The following PACRG variants were observed in gnomAD, a reference collection of about 807,000 sequenced individuals.
The protein encoded by PACRG is parkin coregulated gene protein.
PACRG carries 29 observed loss-of-function variants against 29.7 expected under a neutral mutation model. The ratio of observed to expected loss-of-function variants is 0.98; its 90% confidence interval spans 0.73 to 1.33. The LOEUF (loss-of-function observed/expected upper bound fraction) is 1.33, where lower values mean the gene tolerates loss of function less well. Ranked by LOEUF, PACRG falls within the 40% of genes most tolerant of loss-of-function variation. The pLI is 0.00. For missense variants in PACRG, 279 were observed against 316.2 expected (o/e 0.88, Z 0.89); for synonymous variants, 116 against 118.7 (o/e 0.98, Z 0.15).
intron 1 of PACRG, among the ~76,000 whole-genome samples, chr6:162,782,278 T>C (rs1467145437): frequency 6.6e-6 from 1 of 151,898 alleles, no homozygotes; most frequent in Non-Finnish European, 1.5e-5. Flanking sequence ...TCCACAATGA[T>C]AGAGATTTCA....
intron 1 of PACRG, among the ~76,000 whole-genome samples, chr6:162,740,687 C>T (rs1780517659): frequency 6.6e-6 from 1 of 151,726 alleles, no homozygotes; most frequent in African/African-American, 2.4e-5. Flanking sequence ...GCAACCTCTG[C>T]CCCCTGGGTT....
Position 163,244,350 on chromosome 6 carries a change from A to G in PACRG, c.614-70477A>G, listed in dbSNP as rs1186278508. On this transcript the variant is annotated intron_variant, in intron 4 of 4. Coordinates refer to ENST00000366888, the MANE Select transcript of PACRG (RefSeq NM_001080379.2). Reference sequence around the variant, plus strand: ...TCGAGGATCTGTGCTTGAATCATCTAGTATTTTCTGTAAGGTCGGGCCAAG... The same window carrying G: ...TCGAGGATCTGTGCTTGAATCATCTGGTATTTTCTGTAAGGTCGGGCCAAG... Among the ~76,000 whole-genome samples the G allele has an allele frequency of 2.0e-5, 3 of 152,052 alleles. 1 individual carries two copies. The highest frequency in any genetic ancestry group is 2.0e-4 in the Admixed American group (3 of 15,260).
chr6:163,190,849 T>C (rs1340208650), intron 4 of PACRG: 5 of 399,990 alleles, frequency 1.3e-5, no homozygotes, highest in Non-Finnish European at 2.5e-5. Flanking sequence ...ACTGATTACT[T>C]CCCTCGTGTT....
intron 4 of PACRG, among the ~76,000 whole-genome samples, chr6:163,213,090 T>A (rs7776125): frequency 1.3e-5 from 2 of 152,036 alleles, no homozygotes; most frequent in African/African-American, 4.8e-5. Flanking sequence ...AAACTGACAA[T>A]CTTAATTGAA....
At chr6:163,060,565 T>C (rs561466476) in intron 2 of PACRG, among the ~76,000 whole-genome samples, 6 of 152,344 alleles carry the variant, frequency 3.9e-5, no homozygotes, top group Admixed American at 2.6e-4. Context: ...TTGTTTTCTA[T>C]GCTCCAGTTC....
chr6:162,974,839 T>A (rs1372330962), intron 2 of PACRG, among the ~76,000 whole-genome samples: 1 of 152,236 alleles, frequency 6.6e-6, no homozygotes, highest in African/African-American at 2.4e-5. Context: ...TCGTTAGTGA[T>A]GAGTGGGGCT....
intron 2 of PACRG, among the ~76,000 whole-genome samples, chr6:162,844,550 C>T (rs556078512): frequency 1.2e-3 from 185 of 152,356 alleles, no homozygotes; most frequent in African/African-American, 3.2e-3. Context: ...AGAAATCACC[C>T]GTCTTCTGCG....
At chr6:163,239,667 A>G (rs115165835) in intron 4 of PACRG, among the ~76,000 whole-genome samples, 1 of 101,336 alleles carries the variant, frequency 9.9e-6, no homozygotes, top group South Asian at 3.2e-4. Context: ...ACACACCCAC[A>G]CCCCCCACCC....
chr6:162,974,746 T>G (rs1056266237), intron 2 of PACRG, among the ~76,000 whole-genome samples: 2 of 152,236 alleles, frequency 1.3e-5, no homozygotes, highest in African/African-American at 4.8e-5. Flanking sequence ...ATGAATAATC[T>G]TATCCGGGAG....
rs188021897 is a variant in PACRG, at chr6:163,063,268, A to C, written c.463+947A>C. Among the ~76,000 whole-genome samples the C allele has an allele frequency of 7.0e-3, 1,069 of 151,962 alleles. 9 individuals carry two copies. The highest frequency in any genetic ancestry group is 0.019 in the African/African-American group (780 of 41,428). Reference sequence around the variant, plus strand: ...AGCCAGAGCTGCTCCAGGCACTTTCACCCCCTGGATCCAGGCCCAACTGCC... The same window carrying C: ...AGCCAGAGCTGCTCCAGGCACTTTCCCCCCCTGGATCCAGGCCCAACTGCC... On this transcript the variant is annotated intron_variant, in intron 3 of 4. Transcript: ENST00000366888.
intron 4 of PACRG, among the ~76,000 whole-genome samples, chr6:163,122,732 A>G (rs1816345754): frequency 6.6e-6 from 1 of 152,222 alleles, no homozygotes; most frequent in South Asian, 2.1e-4. Context: ...ATTATTTTAT[A>G]GCAACACAAG....
intron 2 of PACRG, among the ~76,000 whole-genome samples, chr6:162,986,928 T>C (rs918144585): frequency 3.7e-5 from 5 of 135,836 alleles, no homozygotes; most frequent in Non-Finnish European, 7.6e-5. Context: ...TTATCCTGTA[T>C]TTTTTTTCAA....
chr6:163,188,441 G>A (rs916236733), intron 4 of PACRG, among the ~76,000 whole-genome samples: 6 of 152,174 alleles, frequency 3.9e-5, no homozygotes, highest in Admixed American at 3.3e-4. Flanking sequence ...ATCTCTTAGA[G>A]GTGAGCTTGT....
chr6:162,939,983 G>T (rs1798503003), intron 2 of PACRG, among the ~76,000 whole-genome samples: 1 of 152,094 alleles, frequency 6.6e-6, no homozygotes, highest in Non-Finnish European at 1.5e-5. Flanking sequence ...TTTCTCAAAT[G>T]AAGCTAAGCC....
intron 1 of PACRG, among the ~76,000 whole-genome samples, chr6:162,806,546 T>G (rs916700163): frequency 6.6e-6 from 1 of 152,014 alleles, no homozygotes; most frequent in Non-Finnish European, 1.5e-5. Flanking sequence ...CCATCAGAGC[T>G]CTAGGGATAC....
At chr6:163,180,568 A>G (rs1489268962) in intron 4 of PACRG, among the ~76,000 whole-genome samples, 1 of 152,146 alleles carries the variant, frequency 6.6e-6, no homozygotes, top group Non-Finnish European at 1.5e-5. Context: ...TCAAGGCTGC[A>G]GTGAGCTATG....
At chr6:163,123,875 C>T (rs1276993292) in intron 4 of PACRG, among the ~76,000 whole-genome samples, 1 of 152,242 alleles carries the variant, frequency 6.6e-6, no homozygotes, top group Non-Finnish European at 1.5e-5. Context: ...GCATATACCA[C>T]ATTTCATTCA....
intron 2 of PACRG, among the ~76,000 whole-genome samples, chr6:162,956,154 T>G (rs1409911087): frequency 6.6e-6 from 1 of 152,144 alleles, no homozygotes; most frequent in Non-Finnish European, 1.5e-5. Flanking sequence ...GCCAGTTAAA[T>G]AGTCGGGAAT....
chr6:163,216,702 G>T (rs957743129), intron 4 of PACRG, among the ~76,000 whole-genome samples: 1 of 152,006 alleles, frequency 6.6e-6, no homozygotes, highest in South Asian at 2.1e-4. Flanking sequence ...TACACACAAC[G>T]CAGAGATACA....
Sources: allele counts gnomAD v4.1 joint callset (sites outside exome capture counted in the v4.1 genomes callset), GRCh38; gene constraint gnomAD v4.1.1; transcripts MANE v1.5; gene names NCBI Gene and HGNC (gene_info 2026-07-23, HGNC 2026-07-21).